The following TLNRD1 variants were observed in gnomAD, a reference collection of about 807,000 sequenced individuals.
TLNRD1 encodes the protein talin rod domain containing 1, also known as talin rod domain-containing protein 1.
A neutral mutation model predicts 19.5 loss-of-function variants in TLNRD1; 14 were observed. The ratio of observed to expected loss-of-function variants is 0.72; its 90% CI spans 0.47 to 1.12. The LOEUF (loss-of-function observed/expected upper bound fraction) is 1.12. Among genes scored for constraint, TLNRD1 ranks in the 50% most tolerant of loss-of-function variants. TLNRD1 has a pLI of 0.00. For missense variants in TLNRD1, 569 were observed against 531.9 expected (o/e 1.07, Z -0.69); for synonymous variants, 345 against 261.7 (o/e 1.32, Z -3.07).
At position 81,002,702 on chromosome 15, in the gene TLNRD1, AGC is replaced by A; in HGVS notation, c.432_433del (p.Gln144HisfsTer59). The A allele has an allele frequency of 6.6e-7, 1 of 1,507,666 alleles. No homozygotes were observed. Among genetic ancestry groups the A allele is most frequent in the Non-Finnish European group, 8.8e-7 (1 of 1,136,476 alleles). The allele number at this position is 1,507,666 out of a possible 1,614,324, so 93.4% of individuals were successfully genotyped here. A position where few individuals can be genotyped will look rare whatever the true frequency, so the allele number is the denominator to read the frequency against. ...GCCACGCCGGGCGCCCAGCCCGCGC[AGC>A]CGGGCCTGGTGGACCGCTACCGCGT... On this transcript the variant is annotated frameshift_variant, in exon 1 of 1. Transcript: ENST00000267984. LOFTEE classifies it high-confidence loss of function.
Position 81,001,350 on chromosome 15 carries a change from G to C in TLNRD1, c.-922G>C, listed in dbSNP as rs975611814. ...TGGACTTGCGTAGACAGCCAGCGCC[G>C]GGCCGCCGGGCGCGCGGTCTGGGAG... is the stretch of plus-strand genomic sequence containing the variant. On this transcript the variant is annotated 5_prime_UTR_variant, in exon 1 of 1. Coordinates refer to ENST00000267984, the MANE Select transcript of TLNRD1 (RefSeq NM_022566.3). 3 of 151,642 alleles carry C rather than the reference G, an allele frequency of 2.0e-5. No homozygotes were observed. The highest frequency in any genetic ancestry group is 6.6e-5 in the Admixed American group (1 of 15,230). The allele number at this position is 151,642 out of a possible 1,614,324, so 9.4% of individuals were successfully genotyped here.
chr15:81,003,116 A>G lies in TLNRD1; in HGVS notation c.845A>G (p.Lys282Arg), dbSNP rs758561889. Residue 282 changes from lysine to arginine, a missense_variant, in exon 1 of 1, where the codon AAG becomes AGG. Physicochemically the swap from Lys to Arg is conservative, Grantham distance 26 (BLOSUM62 2). Coordinates refer to ENST00000267984, the MANE Select transcript of TLNRD1 (RefSeq NM_022566.3). ...GRAAAVSAEG[K>R]AVQTAILGGA... is the part of the protein sequence containing the mutation. ...GCGGCAGCTGTGAGCGCCGAGGGCAAGGCGGTGCAGACCGCCATCCTGGGC... is the reference window on the plus strand; with the variant it reads ...GCGGCAGCTGTGAGCGCCGAGGGCAGGGCGGTGCAGACCGCCATCCTGGGC... 1.9e-6 allele frequency: 3 copies of G among 1,560,616 alleles called. No individual in the cohort carries two copies. In the East Asian group the frequency reaches 7.1e-5, roughly 37 times the overall value.
Position 81,003,074 on chromosome 15 carries a change from C to T in TLNRD1, c.803C>T (p.Pro268Leu), listed in dbSNP as rs1035626266. Residue 268 changes from proline (P) to leucine (L), a missense_variant, in exon 1 of 1, where the codon CCG becomes CTG. Transcript: ENST00000267984. ...VSALVGFATEPQFLGRAAAVS... is the reference protein window; with the variant it reads ...VSALVGFATELQFLGRAAAVS... The stretch of plus-strand genomic sequence containing the variant: ...GCCCTGGTAGGCTTCGCCACCGAGC[C>T]GCAGTTCCTGGGTCGCGCGGCAGCT... The T allele has an allele frequency of 1.9e-6, 3 of 1,549,518 alleles. No homozygotes were observed. Among genetic ancestry groups the T allele is most frequent in the African/African-American group, 1.4e-5 (1 of 73,548 alleles).
chr15:81,002,775 C>G lies in TLNRD1; in HGVS notation c.504C>G (p.Arg168=). ...HEVEQGCAVL[R]ATPLADMTPQ... ...TGGAGCAGGGTTGCGCCGTGCTGCG[C>G]GCCACGCCGCTGGCCGACATGACGC... Residue 168 remains arginine (R), a synonymous_variant, in exon 1 of 1, where the codon CGC becomes CGG. Transcript: ENST00000267984. 1 of 1,546,796 alleles carries G rather than the reference C, an allele frequency of 6.5e-7. No homozygotes were observed. Among genetic ancestry groups the G allele is most frequent in the Non-Finnish European group, 8.7e-7 (1 of 1,152,572 alleles).
chr15:81,002,624 T>C lies in TLNRD1; in HGVS notation c.353T>C (p.Leu118Pro). The C allele has an allele frequency of 6.7e-7, 1 of 1,492,252 alleles. No individual in the cohort carries two copies. Among genetic ancestry groups the C allele is most frequent in the Non-Finnish European group, 8.8e-7 (1 of 1,131,742 alleles). The allele number at this position is 1,492,252 out of a possible 1,614,324, so 92.4% of individuals were successfully genotyped here. A position where few individuals can be genotyped will look rare whatever the true frequency, so the allele number is the denominator to read the frequency against. ...GACAGCCTGGTGGAGCTGGGCGACCTGGTGGTGTCGCTGACCGAGTGCTCG... is the reference window on the plus strand; with the variant it reads ...GACAGCCTGGTGGAGCTGGGCGACCCGGTGGTGTCGCTGACCGAGTGCTCG... ...AGDSLVELGD[L>P]VVSLTECSAH... Residue 118 changes from leucine (L) to proline (P), a missense_variant, in exon 1 of 1, where the codon CTG becomes CCG. Transcript: ENST00000267984.
In TLNRD1 at chr15:81,001,089, T is replaced by G. The variant is rs1248973063; in HGVS notation, c.-1183T>G. ...AAGCCGCGCGCGGAGAGGAAGCGGG[T>G]GTTTTCCCCTCTGCCTTTCGGCCCC... On this transcript the variant is annotated 5_prime_UTR_variant, in exon 1 of 1. Transcript: ENST00000267984. The G allele has an allele frequency of 6.6e-6, 1 of 151,962 alleles. No homozygotes were observed. Among genetic ancestry groups the G allele is most frequent in the African/African-American group, 2.4e-5 (1 of 41,262 alleles). The allele number at this position is 151,962 out of a possible 1,614,324, so 9.4% of individuals were successfully genotyped here.
chr15:81,002,318 C>G lies in TLNRD1; in HGVS notation c.47C>G (p.Pro16Arg). The G allele has an allele frequency of 7.2e-7, 1 of 1,390,340 alleles. No homozygotes were observed. Among genetic ancestry groups the G allele is most frequent in the Non-Finnish European group, 9.4e-7 (1 of 1,067,588 alleles). 86.1% of individuals were successfully genotyped at this position (1,390,340 alleles called of 1,614,324 possible). ...AGKPTGEAAS[P>R]APASAIGGAS... The stretch of plus-strand genomic sequence containing the variant: ...AAGCCCACTGGCGAGGCGGCTTCTC[C>G]GGCTCCTGCGAGCGCCATCGGCGGG... The change falls in exon 1 of 1, where the codon CCG (proline) becomes CGG (arginine). Residue 16 changes from proline to arginine, a missense_variant. By Grantham distance (103) the Pro-to-Arg change is moderately radical. Transcript: ENST00000267984.
Position 81,002,814 on chromosome 15 carries a change from G to A in TLNRD1, c.543G>A (p.Leu181=). 1 of 1,579,892 alleles carries A rather than the reference G, an allele frequency of 6.3e-7. No individual in the cohort carries two copies. Among genetic ancestry groups the A allele is most frequent in the Non-Finnish European group, 8.5e-7 (1 of 1,170,268 alleles). Reference sequence around the variant, plus strand: ...CCGACATGACGCCGCAGCTGCTGCTGGAGGTGTCGCAGGGCCTGTCGCGCA... The same window carrying A: ...CCGACATGACGCCGCAGCTGCTGCTAGAGGTGTCGCAGGGCCTGTCGCGCA... The part of the protein sequence containing the change: ...PLADMTPQLL[L]EVSQGLSRNL... Residue 181 remains leucine (L), a synonymous_variant, in exon 1 of 1, where the codon CTG becomes CTA. Coordinates refer to ENST00000267984, the MANE Select transcript of TLNRD1 (RefSeq NM_022566.3).
In TLNRD1 at chr15:81,003,299, C is replaced by G. The variant is rs1157554685; in HGVS notation, c.1028C>G (p.Ala343Gly). The stretch of plus-strand genomic sequence containing the variant: ...GAAGGCTGCACCCTGCTATCTCAGG[C>G]TTTAAGGGAGAGGTCTTCGCCCAGG... ...VSEGCTLLSQ[A>G]LRERSSPRTL... Residue 343 changes from alanine (A) to glycine (G), a missense_variant, in exon 1 of 1, where the codon GCT becomes GGT. Transcript: ENST00000267984. The G allele has an allele frequency of 1.2e-6, 2 of 1,611,528 alleles. No homozygotes were observed. Among genetic ancestry groups the G allele is most frequent in the East Asian group, 2.2e-5 (1 of 44,840 alleles).
At position 81,002,204 on chromosome 15, in the gene TLNRD1, C is replaced by T. The variant is rs895400918; in HGVS notation, c.-68C>T. 5.0e-6 allele frequency: 6 copies of T among 1,211,658 alleles called. No individual in the cohort carries two copies. The African/African-American group carries it at 9.5e-5, about 19-fold the overall frequency. The allele number at this position is 1,211,658 out of a possible 1,614,324, so 75.1% of individuals were successfully genotyped here. A position where few individuals can be genotyped will look rare whatever the true frequency, so the allele number is the denominator to read the frequency against. On this transcript the variant is annotated 5_prime_UTR_variant, in exon 1 of 1. Coordinates refer to ENST00000267984, the MANE Select transcript of TLNRD1 (RefSeq NM_022566.3). ...TGAGTCGCGACGGCCGCCGGGGCGG[C>T]GGCAGTGGCCGCGGCAGCGGCGGTG...
At position 81,002,683 on chromosome 15, in the gene TLNRD1, C is replaced by A; in HGVS notation, c.412C>A (p.Pro138Thr). The A allele has an allele frequency of 1.4e-6, 2 of 1,463,942 alleles. No individual in the cohort carries two copies. The highest frequency in any genetic ancestry group is 1.8e-6 in the Non-Finnish European group (2 of 1,121,314). The allele number at this position is 1,463,942 out of a possible 1,614,324, so 90.7% of individuals were successfully genotyped here. Residue 138 changes from proline to threonine, a missense_variant, in exon 1 of 1, where the codon CCG becomes ACG. Coordinates refer to ENST00000267984, the MANE Select transcript of TLNRD1 (RefSeq NM_022566.3). ...GGCCTATCTGGCCGCTGTGGCCACG[C>A]CGGGCGCCCAGCCCGCGCAGCCGGG... ...HAAYLAAVAT[P>T]GAQPAQPGLV...
rs914932205 is a variant in TLNRD1, at chr15:81,001,716, C to G, written c.-556C>G. 1 of 152,030 alleles carries G rather than the reference C, an allele frequency of 6.6e-6. No homozygotes were observed. Among genetic ancestry groups the G allele is most frequent in the Non-Finnish European group, 1.5e-5 (1 of 67,972 alleles). 9.4% of individuals were successfully genotyped at this position (152,030 alleles called of 1,614,324 possible). A position where few individuals can be genotyped will look rare whatever the true frequency, so the allele number is the denominator to read the frequency against. On this transcript the variant is annotated 5_prime_UTR_variant, in exon 1 of 1. Coordinates refer to ENST00000267984, the MANE Select transcript of TLNRD1 (RefSeq NM_022566.3). ...GGTCACGGCGCCTGAAGCCCACGTGCGCCGCCGAGCCCGAGGTGGCCTCGA... is the reference window on the plus strand; with the variant it reads ...GGTCACGGCGCCTGAAGCCCACGTGGGCCGCCGAGCCCGAGGTGGCCTCGA...
In TLNRD1 at chr15:81,002,328, G is replaced by A; in HGVS notation, c.57G>A (p.Ala19=). 2 of 1,415,488 alleles carry A rather than the reference G, an allele frequency of 1.4e-6. No homozygotes were observed. Among genetic ancestry groups the A allele is most frequent in the Non-Finnish European group, 1.9e-6 (2 of 1,080,678 alleles). 87.7% of individuals were successfully genotyped at this position (1,415,488 alleles called of 1,614,324 possible). The change falls in exon 1 of 1, where the codon GCG becomes GCA. Residue 19 remains alanine (A), a synonymous_variant. Coordinates refer to ENST00000267984, the MANE Select transcript of TLNRD1 (RefSeq NM_022566.3). ...GCGAGGCGGCTTCTCCGGCTCCTGCGAGCGCCATCGGCGGGGCCAGCTCGC... is the reference window on the plus strand; with the variant it reads ...GCGAGGCGGCTTCTCCGGCTCCTGCAAGCGCCATCGGCGGGGCCAGCTCGC... ...PTGEAASPAP[A]SAIGGASSQP...
chr15:81,002,561 A>G lies in TLNRD1; in HGVS notation c.290A>G (p.Gln97Arg). The G allele has an allele frequency of 6.8e-7, 1 of 1,463,316 alleles. No individual in the cohort carries two copies. Among genetic ancestry groups the G allele is most frequent in the Non-Finnish European group, 9.0e-7 (1 of 1,113,614 alleles). The allele number at this position is 1,463,316 out of a possible 1,614,324, so 90.6% of individuals were successfully genotyped here. A position where few individuals can be genotyped will look rare whatever the true frequency, so the allele number is the denominator to read the frequency against. ...CTCTCCATCCTCACCCACGACGTGC[A>G]GAGCCAGCTCAACATGGGCCGCTTC... ...KGLSILTHDV[Q>R]SQLNMGRFGE... The change falls in exon 1 of 1, where the codon CAG (glutamine) becomes CGG (arginine). Residue 97 changes from glutamine to arginine, a missense_variant. Physicochemically the swap from Gln to Arg is conservative, Grantham distance 43. Transcript: ENST00000267984.
rs1893419213 is a variant in TLNRD1, at chr15:81,002,069, C to T, written c.-203C>T. ...GAAGAGCCTTCCGCGTTCTCTCGCC[C>T]TCGGGCCCACCCCGCGCCGCCCGGG... On this transcript the variant is annotated 5_prime_UTR_variant, in exon 1 of 1. Transcript: ENST00000267984. 1 of 420,270 alleles carries T rather than the reference C, an allele frequency of 2.4e-6. No homozygotes were observed. Among genetic ancestry groups the T allele is most frequent in the Non-Finnish European group, 3.7e-6 (1 of 267,440 alleles). 26.0% of individuals were successfully genotyped at this position (420,270 alleles called of 1,614,324 possible). A position where few individuals can be genotyped will look rare whatever the true frequency, so the allele number is the denominator to read the frequency against.
chr15:81,002,704 C>A lies in TLNRD1; in HGVS notation c.433C>A (p.Pro145Thr). Residue 145 changes from proline (P) to threonine (T), a missense_variant, in exon 1 of 1, where the codon CCG (proline) becomes ACG (threonine). Transcript: ENST00000267984. Reference protein sequence around the residue: ...VATPGAQPAQPGLVDRYRVTR... With the variant: ...VATPGAQPAQTGLVDRYRVTR... ...CACGCCGGGCGCCCAGCCCGCGCAG[C>A]CGGGCCTGGTGGACCGCTACCGCGT... The A allele has an allele frequency of 6.6e-7, 1 of 1,515,784 alleles. No individual in the cohort carries two copies. The highest frequency in any genetic ancestry group is 8.8e-7 in the Non-Finnish European group (1 of 1,138,964). 93.9% of individuals were successfully genotyped at this position (1,515,784 alleles called of 1,614,324 possible).
chr15:81,003,072 G>T lies in TLNRD1; in HGVS notation c.801G>T (p.Glu267Asp). 6.5e-7 allele frequency: 1 copy of T among 1,549,014 alleles called. No homozygotes were observed. ...GCGCCCTGGTAGGCTTCGCCACCGA[G>T]CCGCAGTTCCTGGGTCGCGCGGCAG... ...AVSALVGFAT[E>D]PQFLGRAAAV... The change falls in exon 1 of 1, where the codon GAG becomes GAT. Residue 267 changes from glutamate (E) to aspartate (D), a missense_variant. By Grantham distance (45) the Glu-to-Asp change is conservative. Transcript: ENST00000267984.
In TLNRD1 at chr15:81,002,786, T is replaced by C; in HGVS notation, c.515T>C (p.Leu172Pro). 1 of 1,555,430 alleles carries C rather than the reference T, an allele frequency of 6.4e-7. No homozygotes were observed. The highest frequency in any genetic ancestry group is 8.6e-7 in the Non-Finnish European group (1 of 1,157,282). ...QGCAVLRATP[L>P]ADMTPQLLLE... The stretch of plus-strand genomic sequence containing the variant: ...TGCGCCGTGCTGCGCGCCACGCCGC[T>C]GGCCGACATGACGCCGCAGCTGCTG... The change falls in exon 1 of 1, where the codon CTG (leucine) becomes CCG (proline). Residue 172 changes from leucine to proline, a missense_variant. Leu to Pro is a moderately conservative substitution (Grantham distance 98, BLOSUM62 -3). Transcript: ENST00000267984.
rs1474029433 is a variant in TLNRD1 at position 81,001,568 on chromosome 15, C to T, written c.-704C>T. 6.6e-6 allele frequency: 1 copy of T among 151,834 alleles called. No individual in the cohort carries two copies. The highest frequency in any genetic ancestry group is 6.6e-5 in the Admixed American group (1 of 15,246). 9.4% of individuals were successfully genotyped at this position (151,834 alleles called of 1,614,324 possible). On this transcript the variant is annotated 5_prime_UTR_variant, in exon 1 of 1. Coordinates refer to ENST00000267984, the MANE Select transcript of TLNRD1 (RefSeq NM_022566.3). The stretch of plus-strand genomic sequence containing the variant: ...CGCGGCCGCGACAGTGCCGGCCACA[C>T]CCTCTGCCCCGCTGCCGCCGGCGCC...
Sources: gnomAD v4.1 joint callset for allele counts on GRCh38, gnomAD v4.1.1 for gene constraint, MANE v1.5 for transcripts, NCBI Gene and HGNC (gene_info 2026-07-23, HGNC 2026-07-21) for gene names.